PTPRG: variants seen among roughly 807,000 people sequenced by gnomAD.
PTPRG encodes protein tyrosine phosphatase receptor type G.
PTPRG carries 102 observed loss-of-function variants against 165.3 expected under a neutral mutation model. The ratio of observed to expected loss-of-function variants is 0.62; its 90% CI spans 0.53 to 0.73. The LOEUF (loss-of-function observed/expected upper bound fraction) is 0.73. PTPRG is among the 30% of genes least tolerant of loss of function. PTPRG has a pLI of 0.00. For missense variants in PTPRG, 1,866 were observed against 1,861.4 expected, an observed-to-expected ratio of 1.00 and a Z score of -0.05; for synonymous variants, 675 against 669.5, an observed-to-expected ratio of 1.01 and a Z score of -0.13.
intron 5 of PTPRG, among the ~76,000 whole-genome samples, chr3:62,087,156 A>G (rs1318246762): frequency 2.6e-5 from 4 of 152,238 alleles, no homozygotes; most frequent in Non-Finnish European, 5.9e-5. Flanking sequence ...GGCACTCTGT[A>G]GTAACCTTAC....
At chr3:61,942,369 T>C in intron 2 of PTPRG, among the ~76,000 whole-genome samples, 1 of 152,220 alleles carries the variant, frequency 6.6e-6, no homozygotes, top group East Asian at 1.9e-4. Flanking sequence ...GTGAAATGCC[T>C]ATTTTCTTCA....
intron 2 of PTPRG, among the ~76,000 whole-genome samples, chr3:61,882,450 G>C (rs1490324777): frequency 1.3e-5 from 2 of 152,122 alleles, no homozygotes; most frequent in Non-Finnish European, 2.9e-5. Flanking sequence ...AATTAAATTT[G>C]AAAGATGAGT....
chr3:61,636,736 T>C (rs1225801205), intron 1 of PTPRG, among the ~76,000 whole-genome samples: 1 of 152,252 alleles, frequency 6.6e-6, no homozygotes, highest in Non-Finnish European at 1.5e-5. Context: ...TTTCCACTTT[T>C]GACTATCATG....
In PTPRG at chr3:62,222,116, AATATC is replaced by A. The variant is rs1576153326; in HGVS notation, c.2288+3136_2288+3140del. ...GCCTGCTATGGGCCAAATAGTTGGCAATATCATCACCAGAACCCTTTTGTTGTTCA... is the reference window on the plus strand; with the variant it reads ...GCCTGCTATGGGCCAAATAGTTGGCAATCACCAGAACCCTTTTGTTGTTCA... On this transcript the variant is annotated intron_variant, in intron 13 of 29. Coordinates refer to ENST00000474889, the MANE Select transcript of PTPRG (RefSeq NM_002841.4). This position sits in a 1 kb window ranked among gnomAD's most constrained non-coding sequence, Gnocchi z 4.5. Among the ~76,000 whole-genome samples, 2 of 152,252 alleles carry A rather than the reference AATATC, an allele frequency of 1.3e-5. No homozygotes were observed. The highest frequency in any genetic ancestry group is 4.8e-5 in the African/African-American group (2 of 41,474).
chr3:62,155,090 G>A (rs1214334742), intron 6 of PTPRG, among the ~76,000 whole-genome samples: 1 of 152,220 alleles, frequency 6.6e-6, no homozygotes, highest in African/African-American at 2.4e-5. Flanking sequence ...AGTGGGCGGA[G>A]GGGCAATTCC....
At chr3:62,054,189 T>G (rs893952782) in intron 4 of PTPRG, among the ~76,000 whole-genome samples, 1 of 152,238 alleles carries the variant, frequency 6.6e-6, no homozygotes, top group Admixed American at 6.5e-5. Flanking sequence ...AGAGTCATTC[T>G]TGGGACTCTC....
intron 6 of PTPRG, among the ~76,000 whole-genome samples, chr3:62,134,416 C>T (rs1703630273): frequency 6.6e-6 from 1 of 152,224 alleles, no homozygotes; most frequent in Non-Finnish European, 1.5e-5. Flanking sequence ...GAAGTGCTGC[C>T]TTCCTCTCCC....
chr3:61,964,175 T>C (rs569094345), intron 2 of PTPRG, among the ~76,000 whole-genome samples: 5 of 152,322 alleles, frequency 3.3e-5, no homozygotes, highest in South Asian at 2.1e-4. Flanking sequence ...TTCAGAAACA[T>C]AGAACTAAGT....
At chr3:61,865,789 C>T (rs2037389679) in intron 2 of PTPRG, among the ~76,000 whole-genome samples, 1 of 152,188 alleles carries the variant, frequency 6.6e-6, no homozygotes, top group Non-Finnish European at 1.5e-5. Flanking sequence ...CTGATGGCCA[C>T]ACAGCCGGAG....
intron 17 of PTPRG, chr3:62,263,151 A>G (rs1701752333): frequency 5.5e-6 from 2 of 366,352 alleles, no homozygotes; most frequent in East Asian, 5.4e-5. Context: ...CTATTTTCAC[A>G]TGAAGTGATG....
At chr3:62,270,953 A>G (rs1196861799) in intron 20 of PTPRG, among the ~76,000 whole-genome samples, 1 of 152,198 alleles carries the variant, frequency 6.6e-6, no homozygotes, top group Non-Finnish European at 1.5e-5. Context: ...TACAGCAGCA[A>G]CAAGCACTCT....
intron 2 of PTPRG, among the ~76,000 whole-genome samples, chr3:61,873,946 T>A (rs1354914717): frequency 6.6e-6 from 1 of 152,190 alleles, no homozygotes; most frequent in African/African-American, 2.4e-5. Context: ...GAGGATTGAA[T>A]TGGATTATTC....
rs902971541 is a variant in PTPRG at position 62,190,167 on chromosome 3, A to G, written c.1034-1302A>G. Reference sequence around the variant, plus strand: ...CAGCCGAAGGTGATTGGCCCCTGCAAGCAACCTTTGGCAACACCTGGAGAC... The same window carrying G: ...CAGCCGAAGGTGATTGGCCCCTGCAGGCAACCTTTGGCAACACCTGGAGAC... On this transcript the variant is annotated intron_variant, in intron 8 of 29. Transcript: ENST00000474889. The surrounding 1 kb of genome is among the most constrained non-coding windows in gnomAD (Gnocchi z 5.2). Among the ~76,000 whole-genome samples, 5 of 152,184 alleles carry G rather than the reference A, an allele frequency of 3.3e-5. No homozygotes were observed. Among genetic ancestry groups the G allele is most frequent in the African/African-American group, 7.2e-5 (3 of 41,450 alleles).
At chr3:61,735,493 G>A (rs1236622041) in intron 1 of PTPRG, among the ~76,000 whole-genome samples, 1 of 150,990 alleles carries the variant, frequency 6.6e-6, no homozygotes, top group Non-Finnish European at 1.5e-5. Context: ...CAACATTAAA[G>A]TGGTTGCCTG....
chr3:62,158,930 AT>A (rs1033395495), intron 7 of PTPRG, among the ~76,000 whole-genome samples: 12 of 152,204 alleles, frequency 7.9e-5, no homozygotes, highest in Non-Finnish European at 1.3e-4. Context: ...ATTAAAAAAA[AT>A]AATAAAGTTA....
intron 2 of PTPRG, among the ~76,000 whole-genome samples, chr3:61,911,131 A>G (rs145012014): frequency 2.0e-4 from 30 of 152,278 alleles, no homozygotes; most frequent in African/African-American, 7.0e-4. Context: ...CTCTCCTATG[A>G]CAACCTCTAT....
chr3:62,085,344 T>C (rs2106778267), intron 5 of PTPRG, among the ~76,000 whole-genome samples: 1 of 152,266 alleles, frequency 6.6e-6, no homozygotes, highest in African/African-American at 2.4e-5. Flanking sequence ...GTGTAACGAT[T>C]CATTGAGGTT....
intron 8 of PTPRG, among the ~76,000 whole-genome samples, chr3:62,173,176 C>T (rs1705283921): frequency 1.3e-5 from 2 of 152,072 alleles, no homozygotes; most frequent in African/African-American, 2.4e-5. Flanking sequence ...AATGTAAATG[C>T]CATGTAAATA....
At chr3:62,084,431 C>G (rs1363908708) in intron 5 of PTPRG, among the ~76,000 whole-genome samples, 1 of 152,138 alleles carries the variant, frequency 6.6e-6, no homozygotes, top group Non-Finnish European at 1.5e-5. Context: ...TCCCTCAGGT[C>G]TGTAGAGTCA....
Sources: allele counts gnomAD v4.1 joint callset (sites outside exome capture counted in the v4.1 genomes callset), GRCh38; gene constraint gnomAD v4.1.1; non-coding constraint Gnocchi (gnomAD v3.1); transcripts MANE v1.5; gene names NCBI Gene and HGNC (gene_info 2026-07-23, HGNC 2026-07-21).